The following ZNF292 variants were observed in gnomAD, a reference collection of about 807,000 sequenced individuals.
The protein encoded by ZNF292 is 16 zinc-finger domain protein.
ZNF292 carries 26 observed loss-of-function variants against 217.9 expected under a neutral mutation model. The observed-to-expected ratio is 0.12, with a 90% CI of 0.09 to 0.17. ZNF292 has a LOEUF of 0.17. ZNF292 is among the 10% of genes least tolerant of loss of function. The pLI is 1.00. For synonymous variants in ZNF292, 1,257 were observed against 1,124.1 expected (o/e 1.12, Z -2.37); for missense variants, 2,904 against 3,175.2 (o/e 0.91, Z 2.05).
chr6:87,238,736 T>C (rs1030355018), intron 5 of ZNF292, among the ~76,000 whole-genome samples: 2 of 151,454 alleles, frequency 1.3e-5, no homozygotes, highest in Non-Finnish European at 2.9e-5. Flanking sequence ...CAGAGGGGCA[T>C]TTGGCAGGGT....
chr6:87,260,476 G>T lies in ZNF292; in HGVS notation c.6847G>T (p.Asp2283Tyr). 1 of 1,613,526 alleles carries T rather than the reference G, an allele frequency of 6.2e-7. No individual in the cohort carries two copies. Among genetic ancestry groups the T allele is most frequent in the South Asian group, 1.1e-5 (1 of 91,042 alleles). The change falls in exon 8 of 8, where the codon GAC becomes TAC. Residue 2283 changes from aspartate to tyrosine, a missense_variant. Asp to Tyr is a radical substitution (Grantham distance 160). This residue lies in a region of ZNF292 where 55 missense variants were observed against 99.8 expected (regional missense o/e 0.55). Transcript: ENST00000369577. Reference protein sequence around the residue: ...LLRHIFNKHNDKHKAHLIRPR... With the variant: ...LLRHIFNKHNYKHKAHLIRPR... Reference sequence around the variant, plus strand: ...CCGACACATTTTTAATAAGCATAATGACAAACATAAGGCTCATTTGATTCG... The same window carrying T: ...CCGACACATTTTTAATAAGCATAATTACAAACATAAGGCTCATTTGATTCG...
At chr6:87,210,555 G>A (rs1046533046) in intron 1 of ZNF292, among the ~76,000 whole-genome samples, 2 of 151,814 alleles carry the variant, frequency 1.3e-5, no homozygotes, top group Admixed American at 6.6e-5. Flanking sequence ...GCTGAAGCGG[G>A]CGGATCACGA....
intron 5 of ZNF292, among the ~76,000 whole-genome samples, chr6:87,237,509 T>C (rs1359521336): frequency 6.6e-5 from 10 of 152,240 alleles, no homozygotes; most frequent in Non-Finnish European, 1.5e-5. Flanking sequence ...CCCAAAGTGC[T>C]AGGATTACAC....
chr6:87,260,028 C>T lies in ZNF292; in HGVS notation c.6399C>T (p.Leu2133=). 2 of 1,613,564 alleles carry T rather than the reference C, an allele frequency of 1.2e-6. No individual in the cohort carries two copies. The highest frequency in any genetic ancestry group is 1.7e-6 in the Non-Finnish European group (2 of 1,179,640). ...TTACGATACAGCAAAACTTGATTCT[C>T]CATTACCAGGCTGTACACAAATCAG... ...AAFTIQQNLI[L]HYQAVHKSDL... Residue 2133 remains leucine (L), a synonymous_variant, in exon 8 of 8, where the codon CTC becomes CTT. Coordinates refer to ENST00000369577, the MANE Select transcript of ZNF292 (RefSeq NM_015021.3).
rs1775740020 is a variant in ZNF292 at position 87,264,160 on chromosome 6, G to A, written c.*2359G>A. On this transcript the variant is annotated 3_prime_UTR_variant, in exon 8 of 8. Transcript: ENST00000369577. ...TTTTGATACGGAATGTAATGTCTAAGTATTAAAAAATCATAAAATATATTT... is the reference window on the plus strand; with the variant it reads ...TTTTGATACGGAATGTAATGTCTAAATATTAAAAAATCATAAAATATATTT... 1 of 152,076 alleles carries A rather than the reference G, an allele frequency of 6.6e-6. No individual in the cohort carries two copies. The highest frequency in any genetic ancestry group is 1.5e-5 in the Non-Finnish European group (1 of 68,014). 9.4% of individuals were successfully genotyped at this position (152,076 alleles called of 1,614,324 possible).
intron 1 of ZNF292, among the ~76,000 whole-genome samples, chr6:87,175,510 G>A (rs1771256836): frequency 6.6e-6 from 1 of 151,928 alleles, no homozygotes; most frequent in Admixed American, 6.6e-5. Flanking sequence ...TAATTTTTAA[G>A]AATTTTTTTG....
intron 5 of ZNF292, among the ~76,000 whole-genome samples, chr6:87,240,233 T>G (rs919198475): frequency 1.3e-5 from 2 of 152,054 alleles, no homozygotes; most frequent in Non-Finnish European, 2.9e-5. Flanking sequence ...GCGCCTGCAA[T>G]CTCAGGCACT....
intron 7 of ZNF292, 102 bp downstream of exon 7, chr6:87,245,746 A>AT: frequency 1.3e-6 from 1 of 751,290 alleles, no homozygotes; most frequent in Non-Finnish European, 2.0e-6. Flanking sequence ...TGATTTTTAA[A>AT]TTTTTTCAGT....
At chr6:87,193,448 G>A (rs917853641) in intron 1 of ZNF292, among the ~76,000 whole-genome samples, 6 of 151,994 alleles carry the variant, frequency 3.9e-5, no homozygotes, top group Non-Finnish European at 7.4e-5. Context: ...GCTGAGGTGG[G>A]AGGATTGCTT....
chr6:87,227,424 A>G (rs960596450), intron 4 of ZNF292, among the ~76,000 whole-genome samples: 4 of 150,800 alleles, frequency 2.7e-5, no homozygotes, highest in African/African-American at 9.9e-5. Context: ...TTTTTTAAAT[A>G]TATTTTTAAT....
In ZNF292 at chr6:87,255,778, A is replaced by G; in HGVS notation, c.2149A>G (p.Met717Val). The G allele has an allele frequency of 6.2e-7, 1 of 1,613,898 alleles. No homozygotes were observed. The highest frequency in any genetic ancestry group is 8.5e-7 in the Non-Finnish European group (1 of 1,179,856). ...TGAAGACGCCAAGCGCTTTCTTGAA[A>G]TGCAGAGCAAAAAAGTTATTTGCCA... is the stretch of plus-strand genomic sequence containing the variant. ...DNEDAKRFLE[M>V]QSKKVICQYC... The change falls in exon 8 of 8, where the codon ATG (methionine) becomes GTG (valine). Residue 717 changes from methionine to valine, a missense_variant. By Grantham distance (21) the Met-to-Val change is conservative. Transcript: ENST00000369577.
chr6:87,157,680 G>T (rs1482564084), intron 1 of ZNF292, among the ~76,000 whole-genome samples: 1 of 152,004 alleles, frequency 6.6e-6, no homozygotes, highest in Non-Finnish European at 1.5e-5. Flanking sequence ...ATCACTTAAA[G>T]ATTTTTATTT....
intron 7 of ZNF292, 42 bp from the exon 8 acceptor site, chr6:87,254,608 T>G: frequency 6.7e-7 from 1 of 1,488,994 alleles, no homozygotes; most frequent in Non-Finnish European, 9.1e-7. Flanking sequence ...TAGTGTTGAT[T>G]AGTGTAGATT....
intron 1 of ZNF292, chr6:87,174,289 A>G (rs1925692): frequency 0.63 from 95,528 of 151,792 alleles, 31,617 homozygotes; most frequent in African/African-American, 0.84. Flanking sequence ...CAGCCGTGTG[A>G]TTTGTCCAAG....
intron 1 of ZNF292, among the ~76,000 whole-genome samples, chr6:87,161,673 C>T (rs1770758807): frequency 6.6e-6 from 1 of 152,246 alleles, no homozygotes; most frequent in Non-Finnish European, 1.5e-5. Context: ...ACCTTGGTCT[C>T]CCAAAGTGCT....
chr6:87,252,795 GGC>G (rs1234669954), intron 7 of ZNF292, among the ~76,000 whole-genome samples: 1 of 152,114 alleles, frequency 6.6e-6, no homozygotes. Context: ...CAAGTTTTAA[GGC>G]ACAGATCTAT....
chr6:87,255,634 G>T lies in ZNF292; in HGVS notation c.2005G>T (p.Val669Leu). The change falls in exon 8 of 8, where the codon GTG (valine) becomes TTG (leucine). Residue 669 changes from valine to leucine, a missense_variant. Coordinates refer to ENST00000369577, the MANE Select transcript of ZNF292 (RefSeq NM_015021.3). ...DDKDKSYEPEVIPVQKPVPVN... is the reference protein window; with the variant it reads ...DDKDKSYEPELIPVQKPVPVN... Reference sequence around the variant, plus strand: ...CAAAGATAAATCCTATGAGCCAGAAGTGATTCCAGTCCAGAAACCAGTACC... The same window carrying T: ...CAAAGATAAATCCTATGAGCCAGAATTGATTCCAGTCCAGAAACCAGTACC... The T allele has an allele frequency of 7.4e-6, 12 of 1,612,884 alleles. No individual in the cohort carries two copies. The highest frequency in any genetic ancestry group is 1.0e-5 in the Non-Finnish European group (12 of 1,179,348).
Position 87,247,171 on chromosome 6 carries a change from TAAAAAAA to T in ZNF292, c.1020+1537_1020+1543del, listed in dbSNP as rs540303408. ...TGGGAAACAGAGTGAGACTTGGTCT[TAAAAAAA>T]AAAAAAAAAGATCTTGGGCCAGCTC... On this transcript the variant is annotated intron_variant, in intron 7 of 7. Coordinates refer to ENST00000369577, the MANE Select transcript of ZNF292 (RefSeq NM_015021.3). Among the ~76,000 whole-genome samples the T allele has an allele frequency of 4.8e-3, 648 of 133,964 alleles. 2 individuals are homozygous for T. The highest frequency in any genetic ancestry group is 0.017 in the African/African-American group (614 of 36,400). The allele number at this position is 133,964 out of a possible 152,430, so 87.9% of individuals were successfully genotyped here. A position where few individuals can be genotyped will look rare whatever the true frequency, so the allele number is the denominator to read the frequency against.
chr6:87,165,194 T>G (rs1770875698), intron 1 of ZNF292, among the ~76,000 whole-genome samples: 1 of 152,228 alleles, frequency 6.6e-6, no homozygotes, highest in Admixed American at 6.5e-5. Flanking sequence ...GAACTCGCTT[T>G]TAACATTCCT....
Sources: gnomAD v4.1 joint callset for allele counts (sites outside exome capture counted in the v4.1 genomes callset) on GRCh38, gnomAD v4.1.1 for gene constraint, gnomAD v4.1.1 regional missense constraint, MANE v1.5 for transcripts, NCBI Gene and HGNC (gene_info 2026-07-23, HGNC 2026-07-21) for gene names.